TAFA2: variants seen among roughly 807,000 people sequenced by gnomAD.
The protein encoded by TAFA2 is chemokine-like protein TAFA-2.
TAFA2 carries 7 observed loss-of-function variants against 18.8 expected under a neutral mutation model. That is an observed-to-expected ratio of 0.37 (90% confidence interval 0.21 to 0.70). The LOEUF is 0.70. Among genes scored for constraint, TAFA2 ranks in the 30% least tolerant of loss-of-function variants. The probability of loss-of-function intolerance (pLI) is 0.53; values close to 1 mark genes in which losing one functional copy is unlikely to be tolerated. For missense variants in TAFA2, 122 were observed against 158.1 expected (o/e 0.77, Z 1.23); for synonymous variants, 60 against 54.2 (o/e 1.11, Z -0.47).
At chr12:61,712,069 G>A (rs935676093) in intron 4 of TAFA2, among the ~76,000 whole-genome samples, 2 of 151,968 alleles carry the variant, frequency 1.3e-5, no homozygotes, top group Admixed American at 6.6e-5. Flanking sequence ...GTAAAAGATG[G>A]AGAGAGGAAA....
intron 1 of TAFA2, among the ~76,000 whole-genome samples, chr12:62,163,158 A>C (rs2062416778): frequency 1.3e-5 from 2 of 152,122 alleles, no homozygotes; most frequent in South Asian, 4.1e-4. Context: ...CTCGACTACT[A>C]AAATAGAACT....
chr12:62,084,159 C>A (rs1018319358), intron 1 of TAFA2, among the ~76,000 whole-genome samples: 3 of 152,194 alleles, frequency 2.0e-5, no homozygotes, highest in African/African-American at 7.2e-5. Flanking sequence ...ATTTTTCCAA[C>A]ATTTCCCCTC....
At chr12:61,943,732 T>C (rs563159885) in intron 1 of TAFA2, among the ~76,000 whole-genome samples, 10,877 of 150,076 alleles carry the variant, frequency 0.072, 1,293 homozygotes, top group African/African-American at 0.25. Flanking sequence ...GGTAAAGGGA[T>C]CAATTCAACA....
intron 1 of TAFA2, among the ~76,000 whole-genome samples, chr12:62,036,284 C>T (rs1231618561): frequency 6.6e-6 from 1 of 152,124 alleles, no homozygotes; most frequent in East Asian, 1.9e-4. Flanking sequence ...AATAAGAAAA[C>T]ATTGAATATT....
chr12:62,001,071 G>C (rs1880360148), intron 1 of TAFA2, among the ~76,000 whole-genome samples: 1 of 152,142 alleles, frequency 6.6e-6, no homozygotes, highest in Non-Finnish European at 1.5e-5. Context: ...CAAAAGGCAG[G>C]GGAAAGAACA....
At chr12:62,059,157 G>GTGTGTGTGTGTGTGTGTGTGTGTA in intron 1 of TAFA2, among the ~76,000 whole-genome samples, 1 of 150,600 alleles carries the variant, frequency 6.6e-6, no homozygotes, top group South Asian at 2.1e-4. Context: ...GTGTGTGTGT[G>GTGTGTGTGTGTGTGTGTGTGTGTA]TGTGTGTGTG....
rs377625494 is a variant in TAFA2 at position 61,867,301 on chromosome 12, A to C, written c.106+19T>G. On this transcript the variant is annotated intron_variant, in intron 2 of 4. Coordinates refer to ENST00000416284, the MANE Select transcript of TAFA2 (RefSeq NM_178539.5). ...GTCATCATCCACATTTAGTTGAAAA[A>C]AAAAACAGAAAAGCTTACCTTTATG... is the stretch of plus-strand genomic sequence containing the variant. 2.6e-6 allele frequency: 4 copies of C among 1,514,990 alleles called. No individual in the cohort carries two copies. Among genetic ancestry groups the C allele is most frequent in the Non-Finnish European group, 3.6e-6 (4 of 1,104,874 alleles). 93.8% of individuals were successfully genotyped at this position (1,514,990 alleles called of 1,614,324 possible). A position where few individuals can be genotyped will look rare whatever the true frequency, so the allele number is the denominator to read the frequency against.
At chr12:62,020,498 G>A (rs892050094) in intron 1 of TAFA2, among the ~76,000 whole-genome samples, 3 of 152,188 alleles carry the variant, frequency 2.0e-5, no homozygotes, top group Non-Finnish European at 4.4e-5. Flanking sequence ...GTAGAAATGG[G>A]CATGGTGTTT....
chr12:61,752,157 T>C (rs181088949), intron 4 of TAFA2, among the ~76,000 whole-genome samples: 73 of 152,108 alleles, frequency 4.8e-4, no homozygotes, highest in Non-Finnish European at 4.3e-4. Flanking sequence ...TAAAAGGAGA[T>C]AATAACACTA....
At chr12:62,134,708 A>G (rs1384835864) in intron 1 of TAFA2, among the ~76,000 whole-genome samples, 2 of 152,078 alleles carry the variant, frequency 1.3e-5, no homozygotes, top group African/African-American at 4.8e-5. Context: ...GAGCACGTCC[A>G]TCTAGTTAAT....
chr12:61,986,167 T>TTTC (rs1207728657), intron 1 of TAFA2, among the ~76,000 whole-genome samples: 1 of 135,168 alleles, frequency 7.4e-6, no homozygotes, highest in East Asian at 2.1e-4. Context: ...TCTTTTTTTT[T>TTTC]TTTTTTTTTT....
At chr12:62,026,451 C>G (rs1881313868) in intron 1 of TAFA2, among the ~76,000 whole-genome samples, 1 of 152,108 alleles carries the variant, frequency 6.6e-6, no homozygotes, top group African/African-American at 2.4e-5. Context: ...CTTGGCAAAA[C>G]CTGGAAACAT....
At chr12:62,178,256 T>TA (rs1235684331) in intron 1 of TAFA2, among the ~76,000 whole-genome samples, 5 of 152,150 alleles carry the variant, frequency 3.3e-5, no homozygotes, top group African/African-American at 1.2e-4. Context: ...GCTATGATTG[T>TA]ACCTCTGCGC....
intron 1 of TAFA2, among the ~76,000 whole-genome samples, chr12:62,041,668 A>C (rs1385895671): frequency 1.3e-5 from 2 of 152,160 alleles, no homozygotes; most frequent in African/African-American, 4.8e-5. Flanking sequence ...AATTGCATGT[A>C]TACTTAGTTA....
chr12:61,897,666 C>T (rs1285523086), intron 1 of TAFA2, among the ~76,000 whole-genome samples: 1 of 152,158 alleles, frequency 6.6e-6, no homozygotes, highest in Non-Finnish European at 1.5e-5. Context: ...CAATCACCTC[C>T]CACCTGGTCC....
chr12:61,914,776 A>G lies in TAFA2; in HGVS notation c.-1-47350T>C, dbSNP rs182101157. 6.0e-3 allele frequency among the ~76,000 whole-genome samples: 917 copies of G among 152,334 alleles called. 2 individuals are homozygous for G. Among genetic ancestry groups the G allele is most frequent in the Non-Finnish European group, 9.3e-3 (633 of 68,026 alleles). On this transcript the variant is annotated intron_variant, in intron 1 of 4. Transcript: ENST00000416284. ...CTGGAGTTGACAAAAAATTAGACAG[A>G]TAAGATTTTTATTCTCTAAATAGCT...
intron 1 of TAFA2, among the ~76,000 whole-genome samples, chr12:62,008,170 T>G (rs1183227646): frequency 6.6e-6 from 1 of 152,206 alleles, no homozygotes; most frequent in Non-Finnish European, 1.5e-5. Context: ...TAAATGAATT[T>G]GGGAACACCA....
Position 62,120,564 on chromosome 12 carries a change from G to A in TAFA2, c.-2+70695C>T, listed in dbSNP as rs545753155. 2.6e-5 allele frequency among the ~76,000 whole-genome samples: 4 copies of A among 152,270 alleles called. No homozygotes were observed. In the South Asian group the frequency reaches 8.3e-4, roughly 32 times the overall value. ...AGAGAAGAAGAGAAAGTAAGAAATA[G>A]TCTTTCCAAACTCTTCCTTCGTGTG... On this transcript the variant is annotated intron_variant, in intron 1 of 4. Coordinates refer to ENST00000416284, the MANE Select transcript of TAFA2 (RefSeq NM_178539.5).
At chr12:61,915,068 G>A (rs1296541712) in intron 1 of TAFA2, among the ~76,000 whole-genome samples, 2 of 152,128 alleles carry the variant, frequency 1.3e-5, no homozygotes, top group Non-Finnish European at 2.9e-5. Context: ...GGCTGAGGCA[G>A]GAGAATTGCT....
Sources: gnomAD v4.1 joint callset for allele counts (sites outside exome capture counted in the v4.1 genomes callset) on GRCh38, gnomAD v4.1.1 for gene constraint, MANE v1.5 for transcripts, NCBI Gene and HGNC (gene_info 2026-07-23, HGNC 2026-07-21) for gene names.